TBC1D7: variants seen among roughly 807,000 people sequenced by gnomAD.
TBC1D7 encodes the protein TBC domain family 7.
TBC1D7 carries 33 observed loss-of-function variants against 35.3 expected under a neutral mutation model. The ratio of observed to expected loss-of-function variants is 0.93; its 90% CI spans 0.71 to 1.25. The LOEUF is 1.25. Ranked by LOEUF, TBC1D7 falls within the 50% of genes most tolerant of loss-of-function variation. The pLI is 0.00. For synonymous variants in TBC1D7, 135 were observed against 129.5 expected (o/e 1.04, Z -0.29); for missense variants, 362 against 365.3 (o/e 0.99, Z 0.07).
rs1782895992 is a variant in TBC1D7, at chr6:13,307,580, T to C, written c.665+20A>G. On this transcript the variant is annotated intron_variant, in intron 6 of 7. Coordinates refer to ENST00000379300, the MANE Select transcript of TBC1D7 (RefSeq NM_016495.6). Reference sequence around the variant, plus strand: ...GCTCTAACGCCAAGCCTTCAATATGTCTTCGAAAGACCTACTTGCCTCTGT... The same window carrying C: ...GCTCTAACGCCAAGCCTTCAATATGCCTTCGAAAGACCTACTTGCCTCTGT... 1 of 1,613,510 alleles carries C rather than the reference T, an allele frequency of 6.2e-7. No homozygotes were observed. The highest frequency in any genetic ancestry group is 1.3e-5 in the African/African-American group (1 of 75,020).
intron 5 of TBC1D7, among the ~76,000 whole-genome samples, chr6:13,310,457 G>A (rs1783112548): frequency 1.3e-5 from 2 of 151,690 alleles, no homozygotes; most frequent in Non-Finnish European, 2.9e-5. Flanking sequence ...GGCCAACATG[G>A]TGAAACCCCA....
At chr6:13,305,510 G>A (rs559777881) in intron 7 of TBC1D7, 58 of 390,820 alleles carry the variant, frequency 1.5e-4, no homozygotes, top group Non-Finnish European at 2.4e-4. Flanking sequence ...AGGACATGAG[G>A]TAACCCATGG....
intron 2 of TBC1D7, among the ~76,000 whole-genome samples, chr6:13,326,419 C>T (rs1784408908): frequency 6.7e-6 from 1 of 150,188 alleles, no homozygotes; most frequent in Non-Finnish European, 1.5e-5. Flanking sequence ...GCCAAGATCA[C>T]ACCACTGCAC....
chr6:13,309,109 C>T (rs1783012837), intron 5 of TBC1D7, among the ~76,000 whole-genome samples: 1 of 152,202 alleles, frequency 6.6e-6, no homozygotes, highest in African/African-American at 2.4e-5. Context: ...TACTGCTCAA[C>T]GGTTCCTAGA....
chr6:13,305,027 T>C lies in TBC1D7; in HGVS notation c.*74A>G, dbSNP rs1782713751. The C allele has an allele frequency of 8.0e-7, 1 of 1,252,060 alleles. No homozygotes were observed. 77.6% of individuals were successfully genotyped at this position (1,252,060 alleles called of 1,614,324 possible). On this transcript the variant is annotated 3_prime_UTR_variant, in exon 8 of 8. Coordinates refer to ENST00000379300, the MANE Select transcript of TBC1D7 (RefSeq NM_016495.6). ...CAAGAAAAGTGTATTATTCAATCAG[T>C]TTCCCAGATCACATGCCAAGAACAC...
rs935583243 is a variant in TBC1D7, at chr6:13,307,463, G to A, written c.665+137C>T. 3.2e-5 allele frequency: 26 copies of A among 810,500 alleles called. 1 individual carries two copies. The highest frequency in any genetic ancestry group is 8.6e-5 in the South Asian group (5 of 58,242). 50.2% of individuals were successfully genotyped at this position (810,500 alleles called of 1,614,324 possible). ...AATAAGCAGAATCATGTGCTGTTAC[G>A]GTAGCTGCTGGAGGACTGAGCTTCA... On this transcript the variant is annotated intron_variant, in intron 6 of 7. Coordinates refer to ENST00000379300, the MANE Select transcript of TBC1D7 (RefSeq NM_016495.6).
At chr6:13,317,731 G>A (rs1403416723) in intron 4 of TBC1D7, among the ~76,000 whole-genome samples, 1 of 152,224 alleles carries the variant, frequency 6.6e-6, no homozygotes, top group Non-Finnish European at 1.5e-5. Flanking sequence ...CCCGAAAGGT[G>A]GCATATCACT....
chr6:13,305,042 G>A lies in TBC1D7; in HGVS notation c.*59C>T. The A allele has an allele frequency of 7.3e-7, 1 of 1,372,298 alleles. No homozygotes were observed. The highest frequency in any genetic ancestry group is 1.0e-6 in the Non-Finnish European group (1 of 1,002,564). The allele number at this position is 1,372,298 out of a possible 1,614,324, so 85.0% of individuals were successfully genotyped here. On this transcript the variant is annotated 3_prime_UTR_variant, in exon 8 of 8. Transcript: ENST00000379300. ...ATTCAATCAGTTTCCCAGATCACATGCCAAGAACACAATGCTCACTGTGGT... is the reference window on the plus strand; with the variant it reads ...ATTCAATCAGTTTCCCAGATCACATACCAAGAACACAATGCTCACTGTGGT...
At chr6:13,322,275 A>G (rs755894171) in intron 3 of TBC1D7, among the ~76,000 whole-genome samples, 1 of 152,090 alleles carries the variant, frequency 6.6e-6, no homozygotes, top group Admixed American at 6.5e-5. Context: ...AAGAAAAAAC[A>G]AAACAAAAAA....
chr6:13,307,491 T>C (rs1782890270), intron 6 of TBC1D7, 109 bp downstream of exon 6: 1 of 1,092,742 alleles, frequency 9.2e-7, no homozygotes, highest in Non-Finnish European at 1.3e-6. Flanking sequence ...GAGCTTCAAA[T>C]TACTGTATTG....
chr6:13,313,309 G>A (rs986609315), intron 5 of TBC1D7, among the ~76,000 whole-genome samples: 6 of 152,142 alleles, frequency 3.9e-5, no homozygotes, highest in Admixed American at 2.6e-4. Flanking sequence ...CTGAGGATAG[G>A]TAAATTAAAA....
chr6:13,326,272 G>T (rs1368775524), intron 2 of TBC1D7, among the ~76,000 whole-genome samples: 1 of 152,094 alleles, frequency 6.6e-6, no homozygotes, highest in East Asian at 1.9e-4. Context: ...AGACCAGCCT[G>T]GCCAACATGG....
intron 5 of TBC1D7, among the ~76,000 whole-genome samples, chr6:13,309,972 C>A (rs1291424042): frequency 6.6e-6 from 1 of 152,214 alleles, no homozygotes; most frequent in African/African-American, 2.4e-5. Flanking sequence ...TATAAAATTA[C>A]ACTGAAGTAT....
chr6:13,306,208 CAAATT>C (rs1213245281), intron 7 of TBC1D7, 185 bp downstream of exon 7: 2 of 437,332 alleles, frequency 4.6e-6, no homozygotes, highest in African/African-American at 2.1e-5. Flanking sequence ...AAAATCAAAT[CAAATT>C]ATTATTTCTC....
chr6:13,306,221 C>T (rs551755574), intron 7 of TBC1D7, 177 bp downstream of exon 7: 24 of 476,884 alleles, frequency 5.0e-5, no homozygotes, highest in African/African-American at 3.5e-4. Context: ...ATTATTATTT[C>T]TCTTAAATAA....
chr6:13,316,829 T>C (rs1269764296), intron 4 of TBC1D7, 121 bp from the exon 5 acceptor site: 3 of 1,236,388 alleles, frequency 2.4e-6, no homozygotes, highest in Non-Finnish European at 3.4e-6. Context: ...TAAATCAAAG[T>C]AGGATCAAAA....
chr6:13,322,111 C>T (rs911262372), intron 3 of TBC1D7, among the ~76,000 whole-genome samples: 2 of 152,044 alleles, frequency 1.3e-5, no homozygotes, highest in Admixed American at 1.3e-4. Context: ...TCCAGTGGCA[C>T]ATGCCTGTAG....
chr6:13,305,618 T>C (rs183278445), intron 7 of TBC1D7: 41 of 170,928 alleles, frequency 2.4e-4, no homozygotes, highest in Admixed American at 4.5e-4. Flanking sequence ...TTTATTATAA[T>C]TTACCAGGCC....
Position 13,306,429 on chromosome 6 carries a change from C to G in TBC1D7, c.764G>C (p.Ser255Thr). Residue 255 changes from serine to threonine, a missense_variant, in exon 7 of 8, where the codon AGT becomes ACT. Coordinates refer to ENST00000379300, the MANE Select transcript of TBC1D7 (RefSeq NM_016495.6). ...TFKIKVMALN[S>T]AEKITKFLEN... The stretch of plus-strand genomic sequence containing the variant: ...CAGAAACTTTGTTATCTTCTCTGCA[C>G]TGTTCAGTGCCATAACTTTTATTTT... The G allele has an allele frequency of 1.9e-6, 3 of 1,604,244 alleles. No homozygotes were observed. The highest frequency in any genetic ancestry group is 2.5e-6 in the Non-Finnish European group (3 of 1,177,348).
Sources: gnomAD v4.1 joint callset for allele counts (sites outside exome capture counted in the v4.1 genomes callset) on GRCh38, gnomAD v4.1.1 for gene constraint, MANE v1.5 for transcripts, NCBI Gene and HGNC (gene_info 2026-07-23, HGNC 2026-07-21) for gene names.